PDE4B: variants seen among roughly 807,000 people sequenced by gnomAD.
PDE4B encodes the protein phosphodiesterase 4B.
In PDE4B, 20 loss-of-function variants were observed where a neutral mutation model predicts 82.2. The ratio of observed to expected loss-of-function variants is 0.24; its 90% confidence interval spans 0.17 to 0.35. The LOEUF (loss-of-function observed/expected upper bound fraction) is 0.35, where lower values mean the gene tolerates loss of function less well. Among genes scored for constraint, PDE4B ranks in the 10% least tolerant of loss-of-function variants. The pLI, the probability that PDE4B is intolerant of heterozygous loss-of-function variation, is 1.00. For synonymous variants in PDE4B, 320 were observed against 318.9 expected (o/e 1.00, Z -0.04); for missense variants, 655 against 907.2 (o/e 0.72, Z 3.57).
At chr1:65,919,354 G>A (rs1440127917) in intron 3 of PDE4B, among the ~76,000 whole-genome samples, 1 of 152,194 alleles carries the variant, frequency 6.6e-6, no homozygotes, top group Non-Finnish European at 1.5e-5. Context: ...TGCTGGCACT[G>A]TTGTGCAGAG....
intron 3 of PDE4B, among the ~76,000 whole-genome samples, chr1:66,231,871 C>T (rs1038951779): frequency 1.3e-5 from 2 of 152,164 alleles, no homozygotes; most frequent in Non-Finnish European, 2.9e-5. Flanking sequence ...GAGTTTTATA[C>T]TCCATGTGTG....
At chr1:66,165,401 T>C (rs1411982533) in intron 3 of PDE4B, among the ~76,000 whole-genome samples, 1 of 152,152 alleles carries the variant, frequency 6.6e-6, no homozygotes, top group Non-Finnish European at 1.5e-5. Flanking sequence ...AAGAAATGCA[T>C]TTTTCCTCCT....
In PDE4B at chr1:66,056,496, CT is replaced by C. The variant is rs1469021721; in HGVS notation, c.281+137662del. Among the ~76,000 whole-genome samples the C allele has an allele frequency of 6.5e-5, 5 of 76,992 alleles. No homozygotes were observed. In the South Asian group the frequency reaches 1.9e-3, roughly 29 times the overall value. The allele number at this position is 76,992 out of a possible 152,430, so 50.5% of individuals were successfully genotyped here. A position where few individuals can be genotyped will look rare whatever the true frequency, so the allele number is the denominator to read the frequency against. ...ATCTATCTATCTATCATCTATCTAT[CT>C]ATCTATCTATCTATCTATCTATCTA... On this transcript the variant is annotated intron_variant, in intron 3 of 16. Transcript: ENST00000341517.
intron 1 of PDE4B, among the ~76,000 whole-genome samples, chr1:65,798,663 C>G (rs923225345): frequency 6.6e-6 from 1 of 152,194 alleles, no homozygotes; most frequent in Non-Finnish European, 1.5e-5. Flanking sequence ...TTTTTAAAAA[C>G]ACTCTAGTTT....
chr1:65,963,963 A>G (rs1432672107), intron 3 of PDE4B, among the ~76,000 whole-genome samples: 1 of 152,166 alleles, frequency 6.6e-6, no homozygotes, highest in African/African-American at 2.4e-5. Context: ...ATTTGCAGAA[A>G]CTGGTAAATT....
intron 3 of PDE4B, among the ~76,000 whole-genome samples, chr1:66,016,521 T>C (rs1652788677): frequency 1.3e-5 from 2 of 152,206 alleles, no homozygotes; most frequent in African/African-American, 4.8e-5. Flanking sequence ...AGGAAGAGTA[T>C]ATATTAGAGA....
chr1:66,249,597 C>T (rs531314775), intron 4 of PDE4B, among the ~76,000 whole-genome samples: 6 of 152,200 alleles, frequency 3.9e-5, no homozygotes, highest in South Asian at 2.1e-4. Flanking sequence ...TAAATGACAC[C>T]GCATCCAGCA....
chr1:66,188,815 G>T (rs1419279232), intron 3 of PDE4B, among the ~76,000 whole-genome samples: 1 of 152,140 alleles, frequency 6.6e-6, no homozygotes, highest in Non-Finnish European at 1.5e-5. Context: ...CTTTTAATTG[G>T]AGCATTTAGT....
chr1:65,861,231 A>T (rs999353317), intron 1 of PDE4B, among the ~76,000 whole-genome samples: 2 of 152,078 alleles, frequency 1.3e-5, no homozygotes, highest in African/African-American at 4.8e-5. Flanking sequence ...TGTATGAGGT[A>T]TAAGGAAGGA....
At chr1:66,066,514 C>T (rs548328760) in intron 3 of PDE4B, among the ~76,000 whole-genome samples, 4 of 151,870 alleles carry the variant, frequency 2.6e-5, no homozygotes, top group Non-Finnish European at 4.4e-5. Flanking sequence ...ACTTTAGCAC[C>T]GGCTCTATTG....
At chr1:66,168,568 A>T (rs1004737026) in intron 3 of PDE4B, among the ~76,000 whole-genome samples, 1 of 152,200 alleles carries the variant, frequency 6.6e-6, no homozygotes, top group Non-Finnish European at 1.5e-5. Context: ...CTGTGGCTTC[A>T]GCAGTGTGGG....
chr1:65,911,999 C>T (rs1336915927), intron 1 of PDE4B, among the ~76,000 whole-genome samples: 4 of 151,714 alleles, frequency 2.6e-5, no homozygotes, highest in Non-Finnish European at 5.9e-5. Flanking sequence ...GAGAAGCAGA[C>T]TTTTTTTTAA....
intron 3 of PDE4B, among the ~76,000 whole-genome samples, chr1:66,119,972 T>G (rs899650075): frequency 6.6e-6 from 1 of 152,084 alleles, no homozygotes; most frequent in Non-Finnish European, 1.5e-5. Flanking sequence ...GGAACAAAGA[T>G]TTTCCCATAT....
intron 3 of PDE4B, among the ~76,000 whole-genome samples, chr1:66,119,201 G>A (rs146901403): frequency 2.6e-5 from 4 of 152,310 alleles, no homozygotes; most frequent in African/African-American, 7.2e-5. Context: ...TGAAGAAATA[G>A]GGGAGTAAAG....
At chr1:66,228,172 C>T (rs977274053) in intron 3 of PDE4B, among the ~76,000 whole-genome samples, 3 of 152,150 alleles carry the variant, frequency 2.0e-5, no homozygotes, top group African/African-American at 7.2e-5. Flanking sequence ...TTAACCTGAC[C>T]ACCTGTTCAA....
At chr1:65,794,702 C>T (rs770565094) in intron 1 of PDE4B, among the ~76,000 whole-genome samples, 40 of 152,078 alleles carry the variant, frequency 2.6e-4, no homozygotes, top group Non-Finnish European at 4.3e-4. Context: ...TGTTTCTATT[C>T]TTTTTCATTT....
At chr1:65,854,203 A>AAT (rs1013462065) in intron 1 of PDE4B, among the ~76,000 whole-genome samples, 17 of 151,340 alleles carry the variant, frequency 1.1e-4, no homozygotes, top group South Asian at 2.1e-4. Context: ...TATATATGCA[A>AAT]ATATATATAT....
intron 3 of PDE4B, among the ~76,000 whole-genome samples, chr1:66,135,730 A>G (rs1490355378): frequency 4.6e-5 from 7 of 152,230 alleles, no homozygotes; most frequent in Admixed American, 4.6e-4. Flanking sequence ...ATGTATTCGT[A>G]TACTTAATAA....
intron 3 of PDE4B, among the ~76,000 whole-genome samples, chr1:66,082,976 A>G (rs1164017821): frequency 1.3e-5 from 2 of 152,092 alleles, no homozygotes; most frequent in Admixed American, 6.6e-5. Flanking sequence ...TCCCTCCTCC[A>G]TAGCCAATCA....
Sources: allele counts gnomAD v4.1 joint callset (sites outside exome capture counted in the v4.1 genomes callset), GRCh38; gene constraint gnomAD v4.1.1; transcripts MANE v1.5; gene names NCBI Gene and HGNC (gene_info 2026-07-23, HGNC 2026-07-21).